DOK6: variants seen among roughly 807,000 people sequenced by gnomAD.
DOK6 encodes downstream of tyrosine kinase 6.
DOK6 carries 22 observed loss-of-function variants against 44.0 expected under a neutral mutation model. The observed-to-expected ratio is 0.50, with a 90% CI of 0.36 to 0.71. The LOEUF (loss-of-function observed/expected upper bound fraction) is 0.71. DOK6 is among the 30% of genes least tolerant of loss of function. The pLI, the probability that DOK6 is intolerant of heterozygous loss-of-function variation, is 0.00. For synonymous variants in DOK6, 166 were observed against 145.5 expected (o/e 1.14, Z -1.01); for missense variants, 340 against 416.4 (o/e 0.82, Z 1.60).
At position 69,846,933 on chromosome 18, in the gene DOK6, TTTAAA is replaced by T. The variant is rs1568144764; in HGVS notation, c.*5555_*5559del. 2 of 152,158 alleles carry T rather than the reference TTTAAA, an allele frequency of 1.3e-5. No homozygotes were observed. The highest frequency in any genetic ancestry group is 4.8e-5 in the African/African-American group (2 of 41,422). 9.4% of individuals were successfully genotyped at this position (152,158 alleles called of 1,614,324 possible). A position where few individuals can be genotyped will look rare whatever the true frequency, so the allele number is the denominator to read the frequency against. The stretch of plus-strand genomic sequence containing the variant: ...CCTGATAATCTTCAGTAGACAATGA[TTTAAA>T]TTAACTGAAGTTTAAATAAGAAATA... On this transcript the variant is annotated 3_prime_UTR_variant, in exon 8 of 8. Coordinates refer to ENST00000382713, the MANE Select transcript of DOK6 (RefSeq NM_152721.6).
chr18:69,682,306 T>G (rs1986062206), intron 4 of DOK6, among the ~76,000 whole-genome samples: 1 of 152,206 alleles, frequency 6.6e-6, no homozygotes, highest in Admixed American at 6.5e-5. Flanking sequence ...CATCAATTCA[T>G]GTTTTGTAAA....
chr18:69,785,188 T>C (rs1412199230), intron 7 of DOK6, among the ~76,000 whole-genome samples: 1 of 152,154 alleles, frequency 6.6e-6, no homozygotes, highest in Non-Finnish European at 1.5e-5. Context: ...GTTAATATAG[T>C]AAAGAAGATA....
At chr18:69,709,250 A>T (rs1986705096) in intron 5 of DOK6, among the ~76,000 whole-genome samples, 1 of 152,166 alleles carries the variant, frequency 6.6e-6, no homozygotes, top group African/African-American at 2.4e-5. Flanking sequence ...TTGAAATCTA[A>T]TGAGTGCTAG....
intron 1 of DOK6, among the ~76,000 whole-genome samples, chr18:69,417,463 C>T (rs951480472): frequency 1.3e-5 from 2 of 151,984 alleles, no homozygotes; most frequent in Non-Finnish European, 1.5e-5. Context: ...TTCATTCATC[C>T]ATTGATGAAT....
chr18:69,493,797 A>G (rs182971837), intron 1 of DOK6, among the ~76,000 whole-genome samples: 90 of 152,312 alleles, frequency 5.9e-4, no homozygotes, highest in Non-Finnish European at 1.1e-3. Context: ...CACACCCACA[A>G]TGGTTTTATT....
intron 3 of DOK6, among the ~76,000 whole-genome samples, chr18:69,609,030 T>A (rs1337307846): frequency 6.6e-6 from 1 of 152,142 alleles, no homozygotes; most frequent in Non-Finnish European, 1.5e-5. Context: ...TTTATTCTTT[T>A]TGGTGCTGTT....
intron 7 of DOK6, among the ~76,000 whole-genome samples, chr18:69,784,275 A>G (rs1980365671): frequency 6.6e-6 from 1 of 152,174 alleles, no homozygotes. Flanking sequence ...TATAAAAATG[A>G]TAAATGTATG....
intron 3 of DOK6, among the ~76,000 whole-genome samples, chr18:69,672,839 T>G (rs1985837202): frequency 1.3e-5 from 2 of 152,176 alleles, no homozygotes; most frequent in Admixed American, 6.5e-5. Context: ...TTCTATAAAT[T>G]TTAAATGACA....
rs111366977 is a variant in DOK6, at chr18:69,427,891, C to A, written c.66+26581C>A. Among the ~76,000 whole-genome samples, 20 of 152,030 alleles carry A rather than the reference C, an allele frequency of 1.3e-4. 1 individual carries two copies. Among genetic ancestry groups the A allele is most frequent in the African/African-American group, 4.8e-4 (20 of 41,466 alleles). On this transcript the variant is annotated intron_variant, in intron 1 of 7. Transcript: ENST00000382713. ...CTCCTGGGTTCAAGCAATTCTCCTA[C>A]CTCAGCCTCCTGAGTAGCTCGAATT... is the stretch of plus-strand genomic sequence containing the variant.
At chr18:69,690,010 A>G (rs763195068) in intron 4 of DOK6, among the ~76,000 whole-genome samples, 1 of 152,262 alleles carries the variant, frequency 6.6e-6, no homozygotes, top group South Asian at 2.1e-4. Flanking sequence ...GTATATTATG[A>G]TACAGTATAA....
intron 1 of DOK6, among the ~76,000 whole-genome samples, chr18:69,439,808 C>T (rs1164144318): frequency 6.6e-6 from 1 of 152,192 alleles, no homozygotes; most frequent in Non-Finnish European, 1.5e-5. Context: ...GCAACCCAGG[C>T]TATTTCACTT....
intron 6 of DOK6, among the ~76,000 whole-genome samples, chr18:69,751,570 A>G (rs78751554): frequency 0.031 from 4,775 of 152,316 alleles, 136 homozygotes; most frequent in East Asian, 0.087. Context: ...GAGATTCTAC[A>G]TCAGTGTGTG....
chr18:69,427,953 T>C (rs534989149), intron 1 of DOK6, among the ~76,000 whole-genome samples: 7 of 152,044 alleles, frequency 4.6e-5, no homozygotes, highest in Non-Finnish European at 1.0e-4. Flanking sequence ...AATTTTTGTA[T>C]TTTTAGTAAA....
rs181398412 is a variant in DOK6 at position 69,592,125 on chromosome 18, G to C, written c.175-7259G>C. ...TTAAACACATAATAAAAATATTTAA[G>C]AATGTATAAGTTCTAATATCTCTTA... On this transcript the variant is annotated intron_variant, in intron 2 of 7. Transcript: ENST00000382713. Among the ~76,000 whole-genome samples, 321 of 151,904 alleles carry C rather than the reference G, an allele frequency of 2.1e-3. 5 individuals carry two copies. Among genetic ancestry groups the C allele is most frequent in the African/African-American group, 7.5e-3 (313 of 41,502 alleles).
chr18:69,806,719 A>G, intron 7 of DOK6, among the ~76,000 whole-genome samples: 1 of 151,972 alleles, frequency 6.6e-6, no homozygotes, highest in Non-Finnish European at 1.5e-5. Flanking sequence ...AAGATTAGGT[A>G]ATCAGAGACT....
chr18:69,584,648 C>CT lies in DOK6; in HGVS notation c.175-14726dup, dbSNP rs908873515. Among the ~76,000 whole-genome samples, 170 of 148,990 alleles carry CT rather than the reference C, an allele frequency of 1.1e-3. 1 individual carries two copies. Among genetic ancestry groups the CT allele is most frequent in the African/African-American group, 3.2e-3 (131 of 40,682 alleles). On this transcript the variant is annotated intron_variant, in intron 2 of 7. Coordinates refer to ENST00000382713, the MANE Select transcript of DOK6 (RefSeq NM_152721.6). ...GACTCAAATAGCTAAGCAGCTTTTG[C>CT]TTTTTTTTTTCTGGACTATCTTAGA...
At chr18:69,575,497 G>GGCTTGCTCCATTTCTAGAATCATTAA (rs1983217787) in intron 2 of DOK6, among the ~76,000 whole-genome samples, 1 of 151,974 alleles carries the variant, frequency 6.6e-6, no homozygotes, top group African/African-American at 2.4e-5. Context: ...TTTGGTATCA[G>GGCTTGCTCCATTTCTAGAATCATTAA]CCTTAGAGTA....
chr18:69,540,439 G>A (rs1568290292), intron 1 of DOK6, among the ~76,000 whole-genome samples: 1 of 152,028 alleles, frequency 6.6e-6, no homozygotes, highest in Admixed American at 6.6e-5. Context: ...AATGTGTCTA[G>A]TTCCCAGGGA....
intron 1 of DOK6, among the ~76,000 whole-genome samples, chr18:69,486,296 CAT>C (rs1182389711): frequency 1.3e-5 from 2 of 151,886 alleles, no homozygotes; most frequent in Admixed American, 6.6e-5. Flanking sequence ...AAAAATTATA[CAT>C]GTTTAGTTTT....
Sources: gnomAD v4.1 joint callset for allele counts (sites outside exome capture counted in the v4.1 genomes callset) on GRCh38, gnomAD v4.1.1 for gene constraint, MANE v1.5 for transcripts, NCBI Gene and HGNC (gene_info 2026-07-23, HGNC 2026-07-21) for gene names.